RNF20: variants seen among roughly 807,000 people sequenced by gnomAD.
RNF20 encodes the protein E3 ubiquitin-protein ligase BRE1A.
RNF20 carries 84 observed loss-of-function variants against 126.2 expected under a neutral mutation model. The ratio of observed to expected loss-of-function variants is 0.67; its 90% CI spans 0.56 to 0.80. RNF20 has a LOEUF of 0.80. Ranked by LOEUF, RNF20 falls within the 30% of genes least tolerant of loss-of-function variation. The pLI, the probability that RNF20 is intolerant of heterozygous loss-of-function variation, is 0.00. For synonymous variants in RNF20, 400 were observed against 414.3 expected (o/e 0.97, Z 0.42); for missense variants, 869 against 1,188.2 (o/e 0.73, Z 3.95).
intron 9 of RNF20, among the ~76,000 whole-genome samples, chr9:101,549,860 A>G (rs1191178289): frequency 6.6e-6 from 1 of 152,244 alleles, no homozygotes; most frequent in Admixed American, 6.5e-5. Flanking sequence ...TATTGGAATA[A>G]AGAGTAATTG....
intron 1 of RNF20, among the ~76,000 whole-genome samples, chr9:101,534,680 T>C (rs949154883): frequency 2.6e-5 from 4 of 152,212 alleles, no homozygotes; most frequent in African/African-American, 4.8e-5. Flanking sequence ...CTAATGACTT[T>C]AGTAGGCATT....
At chr9:101,555,158 G>A (rs1827513261) in intron 15 of RNF20, among the ~76,000 whole-genome samples, 2 of 151,840 alleles carry the variant, frequency 1.3e-5, no homozygotes, top group Admixed American at 1.3e-4. Flanking sequence ...AAGGGTTATA[G>A]TGAATATAAA....
At chr9:101,547,669 G>A in intron 9 of RNF20, 151 bp downstream of exon 9, 1 of 958,812 alleles carries the variant, frequency 1.0e-6, no homozygotes, top group Non-Finnish European at 1.5e-6. Context: ...TAACAAATTA[G>A]GTGTAAAGAA....
chr9:101,550,374 A>G (rs1035340625), intron 9 of RNF20, among the ~76,000 whole-genome samples: 6 of 152,220 alleles, frequency 3.9e-5, no homozygotes, highest in Admixed American at 2.6e-4. Context: ...AACACATATC[A>G]AAACAATTCT....
At chr9:101,549,059 G>C (rs1399192956) in intron 9 of RNF20, among the ~76,000 whole-genome samples, 2 of 152,148 alleles carry the variant, frequency 1.3e-5, no homozygotes, top group East Asian at 1.9e-4. Flanking sequence ...AGGGTCGGTG[G>C]GTCTCTCCCT....
chr9:101,559,048 CTT>C, intron 16 of RNF20, among the ~76,000 whole-genome samples: 1 of 152,196 alleles, frequency 6.6e-6, no homozygotes, highest in Non-Finnish European at 1.5e-5. Context: ...AGATTTAAGT[CTT>C]TGATCCATCT....
chr9:101,557,463 T>C lies in RNF20; in HGVS notation c.2249T>C (p.Met750Thr). 1.2e-6 allele frequency: 2 copies of C among 1,614,042 alleles called. No individual in the cohort carries two copies. The highest frequency in any genetic ancestry group is 1.7e-6 in the Non-Finnish European group (2 of 1,179,938). The change falls in exon 16 of 20, where the codon ATG (methionine) becomes ACG (threonine). Residue 750 changes from methionine to threonine, a missense_variant. Met to Thr is a moderately conservative substitution (Grantham distance 81). This residue lies in a region of RNF20 where 30 missense variants were observed against 75.2 expected (regional missense o/e 0.40). Transcript: ENST00000389120. ...ATGCAGGAGCAAAATATCCGTTTGA[T>C]GCAGCAATTGCGGGAGAAGGATGAT... Reference protein sequence around the residue: ...EDMQEQNIRLMQQLREKDDAN... With the variant: ...EDMQEQNIRLTQQLREKDDAN...
chr9:101,540,886 C>T lies in RNF20; in HGVS notation c.539C>T (p.Ser180Phe). ...TCTCAGCTGCAGGAACGTGTGGAGT[C>T]TTCCCGCCGAGCCGTGTCCCAGATT... ...MESQLQERVESSRRAVSQIVT... is the reference protein window; with the variant it reads ...MESQLQERVEFSRRAVSQIVT... Residue 180 changes from serine to phenylalanine, a missense_variant, in exon 5 of 20, where the codon TCT becomes TTT. Coordinates refer to ENST00000389120, the MANE Select transcript of RNF20 (RefSeq NM_019592.7). 1 of 1,613,830 alleles carries T rather than the reference C, an allele frequency of 6.2e-7. No homozygotes were observed. Among genetic ancestry groups the T allele is most frequent in the Non-Finnish European group, 8.5e-7 (1 of 1,179,928 alleles).
rs909900145 is a variant in RNF20 at position 101,552,965 on chromosome 9, C to T, written c.1901+212C>T. 7.2e-5 allele frequency among the ~76,000 whole-genome samples: 11 copies of T among 152,108 alleles called. No homozygotes were observed. In the East Asian group the frequency reaches 1.4e-3, roughly 19 times the overall value. On this transcript the variant is annotated intron_variant, in intron 13 of 19. Coordinates refer to ENST00000389120, the MANE Select transcript of RNF20 (RefSeq NM_019592.7). Reference sequence around the variant, plus strand: ...GTTCAGTGATCGAGTATCAGCAAACCGATGATGGTAGCCTTATTTTTATGA... The same window carrying T: ...GTTCAGTGATCGAGTATCAGCAAACTGATGATGGTAGCCTTATTTTTATGA...
chr9:101,552,527 G>A lies in RNF20; in HGVS notation c.1675G>A (p.Glu559Lys). The change falls in exon 13 of 20, where the codon GAA becomes AAA. Residue 559 changes from glutamate to lysine, a missense_variant. Physicochemically the swap from Glu to Lys is moderately conservative, Grantham distance 56. This residue lies in a region of RNF20 where 231 missense variants were observed against 263.6 expected (regional missense o/e 0.88). Transcript: ENST00000389120. Reference protein sequence around the residue: ...ASKASQEDANEIKSKRDEEER... With the variant: ...ASKASQEDANKIKSKRDEEER... ...AAAGGCATCTCAGGAGGATGCCAAT[G>A]AAATCAAGTCTAAACGGGATGAAGA... 6.2e-7 allele frequency: 1 copy of A among 1,613,984 alleles called. No individual in the cohort carries two copies. Among genetic ancestry groups the A allele is most frequent in the Non-Finnish European group, 8.5e-7 (1 of 1,179,974 alleles).
At chr9:101,555,802 A>C (rs1454379349) in intron 15 of RNF20, among the ~76,000 whole-genome samples, 4 of 151,616 alleles carry the variant, frequency 2.6e-5, no homozygotes, top group African/African-American at 7.3e-5. Flanking sequence ...AAAAAAAAAA[A>C]AACAAAATTA....
In RNF20 at chr9:101,563,027, TG is replaced by T. The variant is rs1224122093; in HGVS notation, c.*606del. On this transcript the variant is annotated 3_prime_UTR_variant, in exon 20 of 20. Transcript: ENST00000389120. ...ACTTGTTAAGATCAGCTGGCTTTCT[TG>T]TTAAAGTTATTTAAGTTTTGAATGC... 30 of 152,392 alleles carry T rather than the reference TG, an allele frequency of 2.0e-4. No individual in the cohort carries two copies. The highest frequency in any genetic ancestry group is 7.2e-4 in the African/African-American group (30 of 41,580). 9.4% of individuals were successfully genotyped at this position (152,392 alleles called of 1,614,324 possible). A position where few individuals can be genotyped will look rare whatever the true frequency, so the allele number is the denominator to read the frequency against.
intron 2 of RNF20, among the ~76,000 whole-genome samples, chr9:101,538,989 A>G: frequency 6.6e-6 from 1 of 152,152 alleles, no homozygotes; most frequent in African/African-American, 2.4e-5. Context: ...TTTTGTAGAG[A>G]CAGAAGAGAA....
Position 101,554,679 on chromosome 9 carries a change from C to T in RNF20, c.2020-15C>T, listed in dbSNP as rs771023312. Reference sequence around the variant, plus strand: ...TATAACTTTTTATTTTTGTGCAATTCCTTTCCTCTTATAGTTGGAAGATCT... The same window carrying T: ...TATAACTTTTTATTTTTGTGCAATTTCTTTCCTCTTATAGTTGGAAGATCT... On this transcript the variant is annotated splice_polypyrimidine_tract_variant and intron_variant, in intron 14 of 19. Coordinates refer to ENST00000389120, the MANE Select transcript of RNF20 (RefSeq NM_019592.7). 1 of 1,606,450 alleles carries T rather than the reference C, an allele frequency of 6.2e-7. No homozygotes were observed. The highest frequency in any genetic ancestry group is 1.7e-5 in the Admixed American group (1 of 59,398).
At chr9:101,560,757 T>A in intron 16 of RNF20, 44 bp from the exon 17 acceptor site, 1 of 1,559,736 alleles carries the variant, frequency 6.4e-7, no homozygotes, top group Non-Finnish European at 8.6e-7. Context: ...TTTTTCTTTT[T>A]TTAATCTTTT....
intron 2 of RNF20, among the ~76,000 whole-genome samples, chr9:101,537,989 A>G (rs551948416): frequency 2.0e-5 from 3 of 152,210 alleles, no homozygotes; most frequent in Non-Finnish European, 4.4e-5. Context: ...AGATGACTAT[A>G]TAATGACTGA....
rs927837607 is a variant in RNF20, at chr9:101,557,592, C to T, written c.2378C>T (p.Thr793Ile). The stretch of plus-strand genomic sequence containing the variant: ...GCAGACCAGGTGTTGACTCTGAAGA[C>T]TCAGGTAATTAGGATGAGTAGAGCT... ...ELADQVLTLK[T>I]QVDAQLQVVR... Residue 793 changes from threonine to isoleucine, a missense_variant, in exon 16 of 20, where the codon ACT becomes ATT. Coordinates refer to ENST00000389120, the MANE Select transcript of RNF20 (RefSeq NM_019592.7). The T allele has an allele frequency of 6.2e-7, 1 of 1,610,674 alleles. No homozygotes were observed. Among genetic ancestry groups the T allele is most frequent in the Admixed American group, 1.7e-5 (1 of 59,996 alleles).
chr9:101,540,405 T>C (rs527595470), intron 3 of RNF20, 35 bp downstream of exon 3: 1 of 1,613,292 alleles, frequency 6.2e-7, no homozygotes, highest in East Asian at 2.2e-5. Flanking sequence ...GATTTTTATT[T>C]GACCAATTTA....
At position 101,563,206 on chromosome 9, in the gene RNF20, G is replaced by T. The variant is rs1827652592; in HGVS notation, c.*784G>T. Reference sequence around the variant, plus strand: ...GTATTCTGGAAATTTGATACGGAGAGAACTTGGTGAGCTATGAATTACTCT... The same window carrying T: ...GTATTCTGGAAATTTGATACGGAGATAACTTGGTGAGCTATGAATTACTCT... On this transcript the variant is annotated 3_prime_UTR_variant, in exon 20 of 20. Transcript: ENST00000389120. 1 of 152,598 alleles carries T rather than the reference G, an allele frequency of 6.6e-6. No homozygotes were observed. The highest frequency in any genetic ancestry group is 1.5e-5 in the Non-Finnish European group (1 of 68,034). 9.5% of individuals were successfully genotyped at this position (152,598 alleles called of 1,614,324 possible).
Sources: gnomAD v4.1 joint callset for allele counts (sites outside exome capture counted in the v4.1 genomes callset) on GRCh38, gnomAD v4.1.1 for gene constraint, gnomAD v4.1.1 regional missense constraint, MANE v1.5 for transcripts, NCBI Gene and HGNC (gene_info 2026-07-23, HGNC 2026-07-21) for gene names.